The following LHFPL6 variants were observed in gnomAD, a reference collection of about 807,000 sequenced individuals.
The protein encoded by LHFPL6 is LHFPL tetraspan subfamily member 6 protein.
A neutral mutation model predicts 20.6 loss-of-function variants in LHFPL6; 9 were observed. The ratio of observed to expected loss-of-function variants is 0.44; its 90% CI spans 0.26 to 0.76. The LOEUF (loss-of-function observed/expected upper bound fraction) is 0.76. LHFPL6 is among the 30% of genes least tolerant of loss of function. The probability of loss-of-function intolerance (pLI) is 0.20; values close to 1 mark genes in which losing one functional copy is unlikely to be tolerated. For missense variants in LHFPL6, 218 were observed against 253.5 expected (o/e 0.86, Z 0.95); for synonymous variants, 105 against 98.7 (o/e 1.06, Z -0.38).
intron 3 of LHFPL6, among the ~76,000 whole-genome samples, chr13:39,358,292 G>C (rs956649445): frequency 6.6e-6 from 1 of 152,126 alleles, no homozygotes; most frequent in Non-Finnish European, 1.5e-5. Context: ...GTAAGCAATG[G>C]GGAAACGATT....
chr13:39,577,649 T>TA (rs1872157087), intron 2 of LHFPL6, among the ~76,000 whole-genome samples: 1 of 151,980 alleles, frequency 6.6e-6, no homozygotes, highest in African/African-American at 2.4e-5. Context: ...TTTTTTTTTT[T>TA]AAGACAGAGT....
intron 2 of LHFPL6, among the ~76,000 whole-genome samples, chr13:39,577,349 G>A (rs1158673881): frequency 6.6e-6 from 1 of 152,148 alleles, no homozygotes; most frequent in African/African-American, 2.4e-5. Flanking sequence ...AGTACTTGAG[G>A]GCCAAGTGTA....
intron 2 of LHFPL6, among the ~76,000 whole-genome samples, chr13:39,589,942 C>A (rs1872551252): frequency 6.6e-6 from 1 of 152,106 alleles, no homozygotes; most frequent in Non-Finnish European, 1.5e-5. Flanking sequence ...ACCAATATTT[C>A]TATCATACCA....
chr13:39,422,724 G>A (rs1871528321), intron 2 of LHFPL6, among the ~76,000 whole-genome samples: 1 of 152,156 alleles, frequency 6.6e-6, no homozygotes, highest in African/African-American at 2.4e-5. Context: ...TTTTGGGTTA[G>A]GAGCCTCATT....
intron 2 of LHFPL6, among the ~76,000 whole-genome samples, chr13:39,585,405 A>G (rs543395184): frequency 2.6e-5 from 4 of 152,342 alleles, no homozygotes; most frequent in South Asian, 4.1e-4. Context: ...ACGGCCTTCA[A>G]TGCAATTGGC....
At chr13:39,523,645 C>T (rs1240139830) in intron 2 of LHFPL6, among the ~76,000 whole-genome samples, 3 of 151,970 alleles carry the variant, frequency 2.0e-5, no homozygotes, top group Non-Finnish European at 4.4e-5. Flanking sequence ...TCTTCACTGG[C>T]AGTTCCAGAG....
chr13:39,596,113 A>G (rs1872763504), intron 2 of LHFPL6, among the ~76,000 whole-genome samples: 1 of 152,118 alleles, frequency 6.6e-6, no homozygotes, highest in African/African-American at 2.4e-5. Flanking sequence ...AATGTTATAT[A>G]TAATTCATAT....
intron 2 of LHFPL6, among the ~76,000 whole-genome samples, chr13:39,592,453 C>T (rs895411582): frequency 1.2e-4 from 19 of 152,176 alleles, no homozygotes; most frequent in African/African-American, 2.2e-4. Context: ...AGACCAATAA[C>T]AGGCTCTGAA....
At chr13:39,553,653 A>G (rs543654983) in intron 2 of LHFPL6, among the ~76,000 whole-genome samples, 2 of 152,212 alleles carry the variant, frequency 1.3e-5, no homozygotes, top group Non-Finnish European at 1.5e-5. Context: ...GTGAGGCTGC[A>G]GTGAACTATG....
At chr13:39,433,043 G>A (rs993252392) in intron 2 of LHFPL6, among the ~76,000 whole-genome samples, 2 of 152,200 alleles carry the variant, frequency 1.3e-5, no homozygotes, top group African/African-American at 4.8e-5. Context: ...AAGCTATCCA[G>A]TCACTAGATC....
At chr13:39,577,096 A>T (rs2138535916) in intron 2 of LHFPL6, among the ~76,000 whole-genome samples, 1 of 152,368 alleles carries the variant, frequency 6.6e-6, no homozygotes, top group South Asian at 2.1e-4. Flanking sequence ...GTTAAAAATG[A>T]AAAGAAAAAA....
chr13:39,358,549 T>C (rs1231006535), intron 3 of LHFPL6, among the ~76,000 whole-genome samples: 4 of 152,120 alleles, frequency 2.6e-5, no homozygotes, highest in African/African-American at 7.2e-5. Flanking sequence ...TGGGACCTTA[T>C]TAAACTAAAG....
At chr13:39,520,981 C>T (rs1406779190) in intron 2 of LHFPL6, among the ~76,000 whole-genome samples, 2 of 152,296 alleles carry the variant, frequency 1.3e-5, no homozygotes, top group East Asian at 3.9e-4. Flanking sequence ...AGCCTCAGTT[C>T]TGGGAAGAAG....
At chr13:39,515,295 C>G (rs555619788) in intron 2 of LHFPL6, among the ~76,000 whole-genome samples, 1 of 152,220 alleles carries the variant, frequency 6.6e-6, no homozygotes, top group Non-Finnish European at 1.5e-5. Flanking sequence ...AGGTTTGCCA[C>G]TTTCCCATCA....
At chr13:39,348,575 T>C (rs1346019064) in intron 3 of LHFPL6, among the ~76,000 whole-genome samples, 2 of 152,196 alleles carry the variant, frequency 1.3e-5, no homozygotes, top group Non-Finnish European at 2.9e-5. Flanking sequence ...CACTGTTTTT[T>C]CCTTGGCACA....
chr13:39,418,192 T>C lies in LHFPL6; in HGVS notation c.386-39666A>G, dbSNP rs568562946. Among the ~76,000 whole-genome samples, 7 of 152,296 alleles carry C rather than the reference T, an allele frequency of 4.6e-5. No homozygotes were observed. The South Asian group carries it at 1.4e-3, about 32-fold the overall frequency. On this transcript the variant is annotated intron_variant, in intron 2 of 3. Coordinates refer to ENST00000379589, the MANE Select transcript of LHFPL6 (RefSeq NM_005780.3). ...TTACTTACATATTTTATCTTATGAATACTGTAGTATGCCAAATTAGCTGCT... is the reference window on the plus strand; with the variant it reads ...TTACTTACATATTTTATCTTATGAACACTGTAGTATGCCAAATTAGCTGCT...
chr13:39,443,773 A>G (rs563072326), intron 2 of LHFPL6, among the ~76,000 whole-genome samples: 2 of 151,894 alleles, frequency 1.3e-5, no homozygotes, highest in East Asian at 3.9e-4. Flanking sequence ...ATACGCATTC[A>G]ATAGAAACAG....
chr13:39,512,323 C>A (rs1869737777), intron 2 of LHFPL6, among the ~76,000 whole-genome samples: 1 of 152,192 alleles, frequency 6.6e-6, no homozygotes, highest in South Asian at 2.1e-4. Context: ...TCAGACCAGG[C>A]TGGGTGCGGT....
intron 2 of LHFPL6, among the ~76,000 whole-genome samples, chr13:39,448,864 T>C (rs1433788048): frequency 1.3e-5 from 2 of 152,222 alleles, no homozygotes; most frequent in South Asian, 4.1e-4. Flanking sequence ...ATATTCTACT[T>C]TGTAAAGGGG....
Sources: gnomAD v4.1 joint callset for allele counts (sites outside exome capture counted in the v4.1 genomes callset) on GRCh38, gnomAD v4.1.1 for gene constraint, MANE v1.5 for transcripts, NCBI Gene and HGNC (gene_info 2026-07-23, HGNC 2026-07-21) for gene names.